SCN8A: variants seen among roughly 807,000 people sequenced by gnomAD.
SCN8A encodes the protein sodium voltage-gated channel alpha subunit 8.
Under a neutral mutation model 184.1 loss-of-function variants are expected in SCN8A, and 30 were observed. The observed-to-expected ratio is 0.16, with a 90% confidence interval of 0.12 to 0.22. The LOEUF (loss-of-function observed/expected upper bound fraction) is 0.22. Ranked by LOEUF, SCN8A falls within the 10% of genes least tolerant of loss-of-function variation. The pLI, the probability that SCN8A is intolerant of heterozygous loss-of-function variation, is 1.00. For synonymous variants in SCN8A, 852 were observed against 907.0 expected, an observed-to-expected ratio of 0.94 and a Z score of 1.09; for missense variants, 1,057 against 2,498.9, an observed-to-expected ratio of 0.42 and a Z score of 12.30.
chr12:51,639,306 G>C (rs546728982), intron 1 of SCN8A, among the ~76,000 whole-genome samples: 35 of 152,228 alleles, frequency 2.3e-4, no homozygotes, highest in Non-Finnish European at 3.8e-4. Context: ...TCCTGGTGAA[G>C]ATGCTGTGAG....
intron 1 of SCN8A, among the ~76,000 whole-genome samples, chr12:51,651,597 A>C (rs1353532414): frequency 1.3e-5 from 2 of 152,226 alleles, no homozygotes; most frequent in Admixed American, 1.3e-4. Flanking sequence ...CTTATTCACT[A>C]CTATGAGAAC....
chr12:51,807,166 CAGG>C lies in SCN8A; in HGVS notation c.5687_5689del (p.Glu1896del). On this transcript the variant is annotated inframe_deletion, in exon 27 of 27. Transcript: ENST00000627620. This position sits in a 1 kb window ranked among gnomAD's most constrained non-coding sequence, Gnocchi z 4.5. ...AATCACAACCACACTGCGTCGCAAG[CAGG>C]AGGAGGTATCTGCAGTGGTCCTGCA... The C allele has an allele frequency of 6.2e-7, 1 of 1,613,936 alleles. No homozygotes were observed. The highest frequency in any genetic ancestry group is 8.5e-7 in the Non-Finnish European group (1 of 1,179,894).
intron 22 of SCN8A, 77 bp downstream of exon 22, chr12:51,786,903 C>T: frequency 7.6e-7 from 1 of 1,308,582 alleles, no homozygotes; most frequent in Non-Finnish European, 1.1e-6. Flanking sequence ...TTGGCTTCTT[C>T]TCAACCCTAC....
intron 11 of SCN8A, among the ~76,000 whole-genome samples, chr12:51,717,881 TG>T (rs1393580802): frequency 6.6e-6 from 1 of 152,226 alleles, no homozygotes; most frequent in Non-Finnish European, 1.5e-5. Flanking sequence ...TAATTATCTA[TG>T]ATTAGTGCTT....
At chr12:51,593,361 T>G (rs1170508788) in intron 1 of SCN8A, among the ~76,000 whole-genome samples, 4 of 152,218 alleles carry the variant, frequency 2.6e-5, no homozygotes, top group Non-Finnish European at 5.9e-5. Context: ...AAGCAGTTCA[T>G]AATGGTGCAG....
At position 51,807,478 on chromosome 12, in the gene SCN8A, A is replaced by G; in HGVS notation, c.*49A>G. The G allele has an allele frequency of 6.5e-7, 1 of 1,539,016 alleles. No individual in the cohort carries two copies. The highest frequency in any genetic ancestry group is 8.8e-7 in the Non-Finnish European group (1 of 1,132,518). On this transcript the variant is annotated 3_prime_UTR_variant, in exon 27 of 27. Transcript: ENST00000627620. The surrounding 1 kb of genome is among the most constrained non-coding windows in gnomAD (Gnocchi z 4.5). Reference sequence around the variant, plus strand: ...TACAGATCTAAAACTCGCAAGTGAAAGATTGTTTACAAACTTCCTGAATAT... The same window carrying G: ...TACAGATCTAAAACTCGCAAGTGAAGGATTGTTTACAAACTTCCTGAATAT...
intron 6 of SCN8A, among the ~76,000 whole-genome samples, chr12:51,693,359 A>G (rs542297508): frequency 1.5e-4 from 23 of 152,204 alleles, no homozygotes; most frequent in Non-Finnish European, 2.5e-4. Flanking sequence ...CCACTGACCC[A>G]TCTTTGAGAG....
chr12:51,649,560 A>G (rs577735168), intron 1 of SCN8A, among the ~76,000 whole-genome samples: 38 of 152,320 alleles, frequency 2.5e-4, no homozygotes, highest in African/African-American at 8.7e-4. Context: ...CGCAGGCTCA[A>G]CACCACATGG....
In SCN8A at chr12:51,781,843, G is replaced by A. The variant is rs1005533016; in HGVS notation, c.3942+1072G>A. 4.6e-5 allele frequency among the ~76,000 whole-genome samples: 7 copies of A among 152,174 alleles called. No homozygotes were observed. The East Asian group carries it at 1.3e-3, about 29-fold the overall frequency. ...CAAACCAGAGGATATATTTTTAAAT[G>A]TGCAAACGTCAGAATGTAAGAATAA... On this transcript the variant is annotated intron_variant, in intron 21 of 26. Transcript: ENST00000627620.
Position 51,810,230 on chromosome 12 carries a change from C to T in SCN8A, c.*2801C>T, listed in dbSNP as rs528120011. ...AGCCTCATAGGAAAGAAGCCACCTC[C>T]GCTGTATTTGAAGTTTCACTTTTTA... is the stretch of plus-strand genomic sequence containing the variant. On this transcript the variant is annotated 3_prime_UTR_variant, in exon 27 of 27. Transcript: ENST00000627620. 10 of 246,018 alleles carry T rather than the reference C, an allele frequency of 4.1e-5. No homozygotes were observed. In the East Asian group the frequency reaches 7.5e-4, roughly 18 times the overall value. The allele number at this position is 246,018 out of a possible 1,614,324, so 15.2% of individuals were successfully genotyped here. A position where few individuals can be genotyped will look rare whatever the true frequency, so the allele number is the denominator to read the frequency against.
At chr12:51,645,028 G>A (rs1054087231) in intron 1 of SCN8A, among the ~76,000 whole-genome samples, 1 of 149,280 alleles carries the variant, frequency 6.7e-6, no homozygotes, top group South Asian at 2.2e-4. Flanking sequence ...GGAGGGAGGT[G>A]GGGGGGTCAG....
chr12:51,753,151 G>T lies in SCN8A; in HGVS notation c.2370+1558G>T, dbSNP rs560247332. 6.0e-4 allele frequency among the ~76,000 whole-genome samples: 91 copies of T among 152,290 alleles called. 7 individuals are homozygous for T. The highest frequency in any genetic ancestry group is 1.2e-3 in the South Asian group (6 of 4,818). ...TTGCTCAGAACCATCAGTAAAAAAA[G>T]AGGAAATAAGAGAAGGTCAACAGCT... On this transcript the variant is annotated intron_variant, in intron 14 of 26. Coordinates refer to ENST00000627620, the MANE Select transcript of SCN8A (RefSeq NM_001330260.2).
chr12:51,652,500 A>G lies in SCN8A; in HGVS notation c.-54-10264A>G, dbSNP rs149048664. Among the ~76,000 whole-genome samples the G allele has an allele frequency of 2.8e-4, 43 of 152,302 alleles. No individual in the cohort carries two copies. In the East Asian group the frequency reaches 8.1e-3, roughly 29 times the overall value. ...TTATCTCCTTATTGCCTTCAGAATA[A>G]AAGCAAAACTCCTTCCCATGAGAGC... On this transcript the variant is annotated intron_variant, in intron 1 of 26. Coordinates refer to ENST00000627620, the MANE Select transcript of SCN8A (RefSeq NM_001330260.2).
chr12:51,664,949 T>G (rs1941003682), intron 2 of SCN8A, among the ~76,000 whole-genome samples: 1 of 152,192 alleles, frequency 6.6e-6, no homozygotes, highest in Non-Finnish European at 1.5e-5. Flanking sequence ...GTTCTCATGA[T>G]TCAGCTCCCA....
At chr12:51,744,255 A>G (rs574925305) in intron 12 of SCN8A, among the ~76,000 whole-genome samples, 1 of 152,246 alleles carries the variant, frequency 6.6e-6, no homozygotes, top group South Asian at 2.1e-4. Context: ...GTAAGCCGAG[A>G]TCATGCCACT....
intron 1 of SCN8A, among the ~76,000 whole-genome samples, chr12:51,648,707 A>G (rs1940644657): frequency 6.6e-6 from 1 of 152,212 alleles, no homozygotes; most frequent in African/African-American, 2.4e-5. Flanking sequence ...CCATGATTCA[A>G]ATTATCTCCC....
At chr12:51,690,766 G>A (rs144552729) in intron 6 of SCN8A, among the ~76,000 whole-genome samples, 1 of 152,314 alleles carries the variant, frequency 6.6e-6, no homozygotes, top group Non-Finnish European at 1.5e-5. Flanking sequence ...GTGGTTTACT[G>A]AGAACCTCAA....
At chr12:51,627,148 A>G (rs746143721) in intron 1 of SCN8A, among the ~76,000 whole-genome samples, 2 of 152,034 alleles carry the variant, frequency 1.3e-5, no homozygotes, top group African/African-American at 2.4e-5. Context: ...GGAGTAGGAG[A>G]CTTATTCTAG....
intron 24 of SCN8A, 137 bp downstream of exon 24, chr12:51,789,555 C>T: frequency 2.0e-6 from 2 of 995,734 alleles, no homozygotes; most frequent in African/African-American, 1.6e-5. Context: ...ACCCTGGCCC[C>T]CATACGTTAG....
Sources: gnomAD v4.1 joint callset for allele counts (sites outside exome capture counted in the v4.1 genomes callset) on GRCh38, gnomAD v4.1.1 for gene constraint, Gnocchi (gnomAD v3.1) non-coding constraint, MANE v1.5 for transcripts, NCBI Gene and HGNC (gene_info 2026-07-23, HGNC 2026-07-21) for gene names.